PLXND1: variants seen among roughly 807,000 people sequenced by gnomAD.
PLXND1 encodes plexin D1.
In PLXND1, 54 loss-of-function variants were observed where a neutral mutation model predicts 197.7. The observed-to-expected ratio is 0.27, with a 90% confidence interval of 0.22 to 0.34. The LOEUF (loss-of-function observed/expected upper bound fraction) is 0.34, where lower values mean the gene tolerates loss of function less well. Among genes scored for constraint, PLXND1 ranks in the 10% least tolerant of loss-of-function variants. The pLI is 1.00. For synonymous variants in PLXND1, 1,180 were observed against 1,161.2 expected, an observed-to-expected ratio of 1.02 and a Z score of -0.33; for missense variants, 2,127 against 2,699.2, an observed-to-expected ratio of 0.79 and a Z score of 4.70.
chr3:129,594,343 G>A lies in PLXND1; in HGVS notation c.1312-4816C>T, dbSNP rs765121369. Among the ~76,000 whole-genome samples the A allele has an allele frequency of 7.9e-5, 12 of 152,274 alleles. No homozygotes were observed. The East Asian group carries it at 9.6e-4, about 12-fold the overall frequency. ...ATTAAGACTGCAGGGTGGGCCGTTCGCACCATGGCTCACGCCTGTAATCCC... is the reference window on the plus strand; with the variant it reads ...ATTAAGACTGCAGGGTGGGCCGTTCACACCATGGCTCACGCCTGTAATCCC... On this transcript the variant is annotated intron_variant, in intron 1 of 35. Coordinates refer to ENST00000324093, the MANE Select transcript of PLXND1 (RefSeq NM_015103.3).
Position 129,565,410 on chromosome 3 carries a change from C to T in PLXND1, c.4451G>A (p.Arg1484Gln). 2 of 1,614,148 alleles carry T rather than the reference C, an allele frequency of 1.2e-6. No homozygotes were observed. The highest frequency in any genetic ancestry group is 1.7e-6 in the Non-Finnish European group (2 of 1,180,038). ...CTTCTCCACCACAGACTCTGTGCGC[C>T]GCAGCATGAGCTTGGGGTTCTTGGC... The part of the protein sequence containing the change: ...SAAKNPKLML[R>Q]RTESVVEKML... Residue 1484 changes from arginine (R) to glutamine (Q), a missense_variant, in exon 25 of 36, where the codon CGG (arginine) becomes CAG (glutamine). Arg to Gln is a conservative substitution (Grantham distance 43). Coordinates refer to ENST00000324093, the MANE Select transcript of PLXND1 (RefSeq NM_015103.3).
chr3:129,596,699 G>C (rs995243964), intron 1 of PLXND1, among the ~76,000 whole-genome samples: 7 of 152,164 alleles, frequency 4.6e-5, no homozygotes, highest in Non-Finnish European at 7.4e-5. Flanking sequence ...CCTGGGGCTG[G>C]GGGGACTTGG....
chr3:129,571,939 G>T, intron 15 of PLXND1, 95 bp from the exon 16 acceptor site: 1 of 1,250,750 alleles, frequency 8.0e-7, no homozygotes, highest in Non-Finnish European at 1.1e-6. Flanking sequence ...CACGCACTTG[G>T]CCTGGGGTTC....
intron 1 of PLXND1, among the ~76,000 whole-genome samples, chr3:129,590,354 G>T (rs895063725): frequency 6.6e-6 from 1 of 152,044 alleles, no homozygotes; most frequent in Non-Finnish European, 1.5e-5. Flanking sequence ...CCTGGGTCTT[G>T]GTATGTTCAA....
chr3:129,563,299 TG>T (rs2085090211), intron 25 of PLXND1, 59 bp from the exon 26 acceptor site: 1 of 1,438,210 alleles, frequency 7.0e-7, no homozygotes, highest in Admixed American at 2.3e-5. Context: ...CCCCATGCTT[TG>T]GGCCAAACAC....
In PLXND1 at chr3:129,562,236, C is replaced by T. The variant is rs189983263; in HGVS notation, c.4826-333G>A. On this transcript the variant is annotated intron_variant, in intron 27 of 35. Coordinates refer to ENST00000324093, the MANE Select transcript of PLXND1 (RefSeq NM_015103.3). ...CTCCTATAAAACCCACTCCAGGCCC[C>T]GCGCGGTGGCTCACACCTGTAATCC... Among the ~76,000 whole-genome samples the T allele has an allele frequency of 4.3e-3, 646 of 151,362 alleles. 5 individuals carry two copies. Among genetic ancestry groups the T allele is most frequent in the Non-Finnish European group, 4.8e-3 (328 of 68,010 alleles).
intron 20 of PLXND1, chr3:129,569,585 A>G: frequency 2.1e-6 from 1 of 466,974 alleles, no homozygotes; most frequent in South Asian, 2.8e-5. Context: ...CATGGTTCCA[A>G]ATTTCTCTGC....
At chr3:129,579,270 G>A (rs2085355527) in intron 8 of PLXND1, among the ~76,000 whole-genome samples, 1 of 152,176 alleles carries the variant, frequency 6.6e-6, no homozygotes, top group South Asian at 2.1e-4. Flanking sequence ...GACAGGGCTG[G>A]CCCCTGAAGC....
At chr3:129,564,308 C>T (rs948838226) in intron 25 of PLXND1, among the ~76,000 whole-genome samples, 1 of 152,254 alleles carries the variant, frequency 6.6e-6, no homozygotes, top group African/African-American at 2.4e-5. Flanking sequence ...CAATGAGTAG[C>T]CCAGAGTCAC....
chr3:129,561,757 G>A (rs762569640), intron 28 of PLXND1, 43 bp downstream of exon 28: 6 of 1,538,532 alleles, frequency 3.9e-6, no homozygotes, highest in Non-Finnish European at 2.7e-6. Context: ...GTTGGGGTGG[G>A]GGCATGAGGG....
chr3:129,584,256 G>C, intron 6 of PLXND1, 23 bp from the exon 7 acceptor site: 2 of 1,593,602 alleles, frequency 1.3e-6, no homozygotes, highest in Non-Finnish European at 1.7e-6. Context: ...GGGGAGCCAG[G>C]GGAGGACATG....
At chr3:129,590,304 G>C (rs6782700) in intron 1 of PLXND1, among the ~76,000 whole-genome samples, 102,359 of 151,650 alleles carry the variant, frequency 0.67, 35,384 homozygotes, top group Non-Finnish European at 0.74. Flanking sequence ...TCCCATGTCC[G>C]GGCTGTTCCC....
At position 129,605,500 on chromosome 3, in the gene PLXND1, C is replaced by A. The variant is rs2085775792; in HGVS notation, c.1140G>T (p.Ala380=). The A allele has an allele frequency of 6.7e-7, 1 of 1,493,424 alleles. No individual in the cohort carries two copies. The highest frequency in any genetic ancestry group is 8.8e-7 in the Non-Finnish European group (1 of 1,130,542). The allele number at this position is 1,493,424 out of a possible 1,614,324, so 92.5% of individuals were successfully genotyped here. Residue 380 remains alanine (A), a synonymous_variant, in exon 1 of 36, where the codon GCG becomes GCT. Coordinates refer to ENST00000324093, the MANE Select transcript of PLXND1 (RefSeq NM_015103.3). ...AVFERPQGSP[A]ARAAPAALCA... Reference sequence around the variant, plus strand: ...AGAGTGCGGCCGGAGCAGCGCGGGCCGCGGGGGACCCCTGGGGCCGCTCGA... The same window carrying A: ...AGAGTGCGGCCGGAGCAGCGCGGGCAGCGGGGGACCCCTGGGGCCGCTCGA...
chr3:129,589,407 T>G lies in PLXND1; in HGVS notation c.1432A>C (p.Ser478Arg). 1 of 1,599,730 alleles carries G rather than the reference T, an allele frequency of 6.3e-7. No homozygotes were observed. Among genetic ancestry groups the G allele is most frequent in the Non-Finnish European group, 8.5e-7 (1 of 1,172,582 alleles). The change falls in exon 2 of 36, where the codon AGC becomes CGC. Residue 478 changes from serine to arginine, a missense_variant. Physicochemically the swap from Ser to Arg is moderately radical, Grantham distance 110 (BLOSUM62 -1). Coordinates refer to ENST00000324093, the MANE Select transcript of PLXND1 (RefSeq NM_015103.3). ...APGLTSVAVASVNNYTAVFLG... is the reference protein window; with the variant it reads ...APGLTSVAVARVNNYTAVFLG... ...AAGACCGCTGTGTAGTTGTTGACGC[T>G]GGCCACGGCCACGGAGGTGAGGCCC...
intron 29 of PLXND1, 153 bp from the exon 30 acceptor site, chr3:129,560,876 C>T (rs908214656): frequency 1.3e-5 from 9 of 694,118 alleles, no homozygotes; most frequent in East Asian, 5.4e-5. Context: ...GAAACAGAAA[C>T]GGAGACAGAG....
At chr3:129,568,222 CA>C (rs1309947592) in intron 20 of PLXND1, among the ~76,000 whole-genome samples, 1 of 152,108 alleles carries the variant, frequency 6.6e-6, no homozygotes, top group East Asian at 1.9e-4. Flanking sequence ...CTACAATGAC[CA>C]GGTGTTACTT....
intron 9 of PLXND1, among the ~76,000 whole-genome samples, chr3:129,576,138 C>G (rs1488095307): frequency 1.3e-5 from 2 of 152,240 alleles, no homozygotes; most frequent in African/African-American, 4.8e-5. Flanking sequence ...ACCCAGGGGC[C>G]TTGTATTCAG....
chr3:129,599,956 A>T (rs982936212), intron 1 of PLXND1, among the ~76,000 whole-genome samples: 4 of 152,236 alleles, frequency 2.6e-5, no homozygotes, highest in Non-Finnish European at 5.9e-5. Context: ...GCTGGGGATG[A>T]TGATGACGCA....
intron 18 of PLXND1, 31 bp from the exon 19 acceptor site, chr3:129,570,966 G>A (rs2085216292): frequency 6.2e-7 from 1 of 1,614,004 alleles, no homozygotes; most frequent in Non-Finnish European, 8.5e-7. Flanking sequence ...GATGCTCATG[G>A]GGAAGTGCTC....
Sources: gnomAD v4.1 joint callset for allele counts (sites outside exome capture counted in the v4.1 genomes callset) on GRCh38, gnomAD v4.1.1 for gene constraint, MANE v1.5 for transcripts, NCBI Gene and HGNC (gene_info 2026-07-23, HGNC 2026-07-21) for gene names.